Variants in FILIP1 observed in about 807,000 individuals in gnomAD.
FILIP1 encodes the protein filamin A interacting protein 1, also known as filamin-A-interacting protein 1.
Under a neutral mutation model 102.1 loss-of-function variants are expected in FILIP1, and 61 were observed. The ratio of observed to expected loss-of-function variants is 0.60; its 90% CI spans 0.49 to 0.74. The LOEUF is 0.74. Among genes scored for constraint, FILIP1 ranks in the 30% least tolerant of loss-of-function variants. The pLI is 0.00. For synonymous variants in FILIP1, 491 were observed against 526.9 expected (o/e 0.93, Z 0.93); for missense variants, 1,314 against 1,441.2 (o/e 0.91, Z 1.43).
intron 1 of FILIP1, among the ~76,000 whole-genome samples, chr6:75,430,074 C>A (rs1371258012): frequency 2.0e-5 from 3 of 152,146 alleles, no homozygotes; most frequent in Admixed American, 2.0e-4. Flanking sequence ...GTGATTGGAT[C>A]ATGGGGGCAT....
At chr6:75,414,430 T>C (rs1024772998) in intron 2 of FILIP1, among the ~76,000 whole-genome samples, 11 of 152,162 alleles carry the variant, frequency 7.2e-5, no homozygotes, top group African/African-American at 2.4e-4. Context: ...AGGATCTGTA[T>C]TAAATCACCA....
intron 4 of FILIP1, among the ~76,000 whole-genome samples, chr6:75,339,342 G>T (rs1285412436): frequency 1.3e-5 from 2 of 152,136 alleles, no homozygotes; most frequent in Non-Finnish European, 2.9e-5. Context: ...CTGAAAAATA[G>T]GCATGAATTT....
chr6:75,414,777 C>T lies in FILIP1; in HGVS notation c.196G>A (p.Glu66Lys). Reference sequence around the variant, plus strand: ...TCCAGGGATTTCTTAGTTTTTCGTTCACATTCTCCAGATGTTTTTAGGTGT... The same window carrying T: ...TCCAGGGATTTCTTAGTTTTTCGTTTACATTCTCCAGATGTTTTTAGGTGT... ...KRHLKTSGEC[E>K]RKTKKSLELS... is the part of the protein sequence containing the mutation. The change falls in exon 2 of 6, where the codon GAA becomes AAA. Residue 66 changes from glutamate (E) to lysine (K), a missense_variant. By Grantham distance (56) the Glu-to-Lys change is moderately conservative (BLOSUM62 1). Around this residue, in one of 3 missense-constraint regions of FILIP1, gnomAD observed 494 missense variants for 511.2 expected, o/e 0.97. Transcript: ENST00000237172. 3 of 1,613,836 alleles carry T rather than the reference C, an allele frequency of 1.9e-6. No homozygotes were observed. The highest frequency in any genetic ancestry group is 2.5e-6 in the Non-Finnish European group (3 of 1,179,804).
intron 1 of FILIP1, chr6:75,453,845 G>A: frequency 2.4e-6 from 1 of 413,498 alleles, no homozygotes. Flanking sequence ...AAATCTAGTG[G>A]CAAAGCCTGG....
intron 4 of FILIP1, among the ~76,000 whole-genome samples, chr6:75,340,312 GT>G (rs1170242608): frequency 6.6e-6 from 1 of 152,008 alleles, no homozygotes; most frequent in African/African-American, 2.4e-5. Context: ...AACCACAACT[GT>G]TATATGGATG....
At chr6:75,340,399 C>T (rs6453824) in intron 4 of FILIP1, among the ~76,000 whole-genome samples, 111,319 of 151,538 alleles carry the variant, frequency 0.73, 41,412 homozygotes, top group African/African-American at 0.86. Context: ...TTGTTCCCAG[C>T]GTTTACAAAT....
At chr6:75,366,049 C>G (rs1318022818) in intron 2 of FILIP1, 1 of 152,184 alleles carries the variant, frequency 6.6e-6, no homozygotes, top group Admixed American at 6.5e-5. Flanking sequence ...TTATTTCAAA[C>G]ACACCAGTAA....
intron 2 of FILIP1, among the ~76,000 whole-genome samples, chr6:75,413,460 T>C (rs1226324361): frequency 1.3e-5 from 2 of 152,160 alleles, no homozygotes; most frequent in East Asian, 1.9e-4. Context: ...AGTCTGTAAA[T>C]GGTAAGCTCA....
In FILIP1 at chr6:75,443,080, A is replaced by T. The variant is rs188439093; in HGVS notation, c.-6-28102T>A. 1.1e-3 allele frequency among the ~76,000 whole-genome samples: 160 copies of T among 152,330 alleles called. 1 individual carries two copies. Among genetic ancestry groups the T allele is most frequent in the South Asian group, 6.0e-3 (29 of 4,830 alleles). ...AAATGATTCCCTAACTTATTTGTCC[A>T]ATTTTTAGATCAGATGAAAAATGAA... On this transcript the variant is annotated intron_variant, in intron 1 of 5. Transcript: ENST00000237172.
intron 3 of FILIP1, among the ~76,000 whole-genome samples, chr6:75,358,011 T>C (rs1317638919): frequency 2.0e-5 from 3 of 152,344 alleles, no homozygotes; most frequent in Middle Eastern, 3.4e-3. Flanking sequence ...CCTATTGCTT[T>C]GGAAATATAG....
At chr6:75,321,244 T>G (rs1050781403) in intron 4 of FILIP1, among the ~76,000 whole-genome samples, 4 of 152,126 alleles carry the variant, frequency 2.6e-5, no homozygotes, top group South Asian at 2.1e-4. Context: ...TTTTTTGTTT[T>G]GTTTTTTTAA....
intron 2 of FILIP1, among the ~76,000 whole-genome samples, chr6:75,371,658 A>G (rs1381267389): frequency 6.6e-6 from 1 of 152,226 alleles, no homozygotes; most frequent in Non-Finnish European, 1.5e-5. Flanking sequence ...AGAGCCCACA[A>G]ATAAATTTTT....
At chr6:75,318,708 C>A (rs1773531280) in intron 4 of FILIP1, among the ~76,000 whole-genome samples, 1 of 152,050 alleles carries the variant, frequency 6.6e-6, no homozygotes, top group Admixed American at 6.5e-5. Flanking sequence ...GCATCAGAGA[C>A]AACTGAAAAA....
chr6:75,393,970 C>T (rs1310204104), intron 2 of FILIP1, among the ~76,000 whole-genome samples: 1 of 152,114 alleles, frequency 6.6e-6, no homozygotes, highest in Non-Finnish European at 1.5e-5. Flanking sequence ...ATCAAGCTCC[C>T]TTAGAGGTAC....
At chr6:75,402,017 A>G (rs1289192982) in intron 2 of FILIP1, among the ~76,000 whole-genome samples, 4 of 152,216 alleles carry the variant, frequency 2.6e-5, no homozygotes, top group Non-Finnish European at 1.5e-5. Flanking sequence ...CATCTTTCAC[A>G]TATTACCCTT....
At chr6:75,407,690 G>C (rs1231151209) in intron 2 of FILIP1, among the ~76,000 whole-genome samples, 2 of 152,108 alleles carry the variant, frequency 1.3e-5, no homozygotes, top group Non-Finnish European at 2.9e-5. Context: ...GCACTATCCA[G>C]CTGTGTAATC....
chr6:75,312,141 G>A (rs1276094279), intron 5 of FILIP1, among the ~76,000 whole-genome samples: 13 of 152,132 alleles, frequency 8.5e-5, no homozygotes, highest in Non-Finnish European at 1.9e-4. Context: ...GGCTATCTTT[G>A]CAAGTATTTT....
chr6:75,380,324 C>T (rs1353457905), intron 2 of FILIP1, among the ~76,000 whole-genome samples: 1 of 151,764 alleles, frequency 6.6e-6, no homozygotes, highest in South Asian at 2.1e-4. Context: ...AAGAAAAATG[C>T]CTGAAAGGTA....
intron 2 of FILIP1, among the ~76,000 whole-genome samples, chr6:75,393,419 G>T (rs13200127): frequency 2.6e-5 from 4 of 152,164 alleles, no homozygotes; most frequent in Admixed American, 1.3e-4. Flanking sequence ...TTCCTTGAAA[G>T]ATCTTTTAAG....
Sources: allele counts gnomAD v4.1 joint callset (sites outside exome capture counted in the v4.1 genomes callset), GRCh38; gene constraint gnomAD v4.1.1; regional missense constraint gnomAD v4.1.1; transcripts MANE v1.5; gene names NCBI Gene and HGNC (gene_info 2026-07-23, HGNC 2026-07-21).